The following HS6ST1 variants were observed in gnomAD, a reference collection of about 807,000 sequenced individuals.
The protein encoded by HS6ST1 is heparan sulfate 6-O-sulfotransferase 1, also known as heparan-sulfate 6-O-sulfotransferase 1.
In HS6ST1, 3 loss-of-function variants were observed where a neutral mutation model predicts 25.2. The observed-to-expected ratio is 0.12, with a 90% confidence interval of 0.05 to 0.31. The LOEUF (loss-of-function observed/expected upper bound fraction) is 0.31, where lower values mean the gene tolerates loss of function less well. Ranked by LOEUF, HS6ST1 falls within the 10% of genes least tolerant of loss-of-function variation. HS6ST1 has a pLI of 1.00. For synonymous variants in HS6ST1, 204 were observed against 275.1 expected (o/e 0.74, Z 2.56); for missense variants, 310 against 609.6 (o/e 0.51, Z 5.18).
rs1693522104 is a variant in HS6ST1, at chr2:128,266,767, T to C, written c.*1395A>G. ...CTCTGGGGGATCCAGGGTGCCTGTG[T>C]GGGCCCTCCTAGAGACACCAGCTTG... On this transcript the variant is annotated 3_prime_UTR_variant, in exon 2 of 2. Coordinates refer to ENST00000259241, the MANE Select transcript of HS6ST1 (RefSeq NM_004807.3). 3 of 152,464 alleles carry C rather than the reference T, an allele frequency of 2.0e-5. No homozygotes were observed. Among genetic ancestry groups the C allele is most frequent in the Admixed American group, 2.0e-4 (3 of 15,306 alleles). The allele number at this position is 152,464 out of a possible 1,614,324, so 9.4% of individuals were successfully genotyped here.
rs1693552745 is a variant in HS6ST1 at position 128,268,200 on chromosome 2, T to C, written c.1198A>G (p.Thr400Ala). ...EDADEPGRVP[T>A]EDYMSHIIEK... ...ATGATGTGGCTCATGTAGTCCTCGG[T>C]GGGCACGCGGCCCGGCTCGTCGGCA... is the stretch of plus-strand genomic sequence containing the variant. Residue 400 changes from threonine to alanine, a missense_variant, in exon 2 of 2, where the codon ACC (threonine) becomes GCC (alanine). Around this residue, in one of 5 missense-constraint regions of HS6ST1, gnomAD observed 140 missense variants for 176.5 expected, o/e 0.79. Coordinates refer to ENST00000259241, the MANE Select transcript of HS6ST1 (RefSeq NM_004807.3). 1 of 1,610,418 alleles carries C rather than the reference T, an allele frequency of 6.2e-7. No individual in the cohort carries two copies. The highest frequency in any genetic ancestry group is 2.2e-5 in the East Asian group (1 of 44,836).
At chr2:128,288,649 T>G (rs960008534) in intron 1 of HS6ST1, among the ~76,000 whole-genome samples, 4 of 152,168 alleles carry the variant, frequency 2.6e-5, no homozygotes, top group Admixed American at 1.3e-4. Flanking sequence ...TTCTGTATTT[T>G]TCCGATTTTA....
intron 1 of HS6ST1, among the ~76,000 whole-genome samples, chr2:128,302,331 G>C (rs749394785): frequency 6.6e-6 from 1 of 152,164 alleles, no homozygotes; most frequent in Non-Finnish European, 1.5e-5. Context: ...CAAGGCTGGC[G>C]TGCATGTGTG....
At chr2:128,273,799 T>A (rs540367790) in intron 1 of HS6ST1, among the ~76,000 whole-genome samples, 9 of 152,112 alleles carry the variant, frequency 5.9e-5, no homozygotes, top group Non-Finnish European at 1.2e-4. Flanking sequence ...GGGGTGGAGG[T>A]GTCAAACAGA....
intron 1 of HS6ST1, among the ~76,000 whole-genome samples, chr2:128,275,008 G>A (rs1031406944): frequency 6.6e-5 from 10 of 150,436 alleles, no homozygotes; most frequent in Admixed American, 6.6e-5. Context: ...GGTGGAGGGG[G>A]AATGGACAGA....
chr2:128,300,266 G>A (rs1230269402), intron 1 of HS6ST1, among the ~76,000 whole-genome samples: 2 of 152,158 alleles, frequency 1.3e-5, no homozygotes. Flanking sequence ...CCTGCCCTCC[G>A]GAGAGGGCCT....
At chr2:128,310,736 G>A (rs1225423417) in intron 1 of HS6ST1, among the ~76,000 whole-genome samples, 1 of 152,098 alleles carries the variant, frequency 6.6e-6, no homozygotes, top group East Asian at 1.9e-4. Context: ...CTCCTGTGTG[G>A]GCGTGTACCT....
chr2:128,280,696 T>A (rs80211377), intron 1 of HS6ST1, among the ~76,000 whole-genome samples: 9 of 144,006 alleles, frequency 6.2e-5, no homozygotes, highest in Non-Finnish European at 1.4e-4. Flanking sequence ...AGTAGTCAGA[T>A]TTTTTTTTTT....
intron 1 of HS6ST1, among the ~76,000 whole-genome samples, chr2:128,300,290 A>C (rs1694103698): frequency 6.6e-6 from 1 of 152,122 alleles, no homozygotes; most frequent in Non-Finnish European, 1.5e-5. Context: ...GCCCCAGGAC[A>C]CAGCTACCAT....
intron 1 of HS6ST1, among the ~76,000 whole-genome samples, chr2:128,280,455 C>G (rs1427107924): frequency 6.6e-6 from 1 of 152,232 alleles, no homozygotes; most frequent in African/African-American, 2.4e-5. Context: ...ATGTGAGCCA[C>G]TGCCTGAGAG....
intron 1 of HS6ST1, among the ~76,000 whole-genome samples, chr2:128,316,715 GT>G (rs1204303321): frequency 2.0e-5 from 3 of 152,022 alleles, no homozygotes; most frequent in Non-Finnish European, 4.4e-5. Context: ...GTGGGTGTGT[GT>G]GTGTACAGTT....
At chr2:128,301,148 C>G (rs1252018700) in intron 1 of HS6ST1, among the ~76,000 whole-genome samples, 1 of 152,118 alleles carries the variant, frequency 6.6e-6, no homozygotes, top group Admixed American at 6.5e-5. Flanking sequence ...TCTAGCCGCC[C>G]CTCTGTGTGG....
intron 1 of HS6ST1, among the ~76,000 whole-genome samples, chr2:128,287,959 C>A (rs1480600513): frequency 6.6e-6 from 1 of 152,236 alleles, no homozygotes; most frequent in South Asian, 2.1e-4. Context: ...CTTCTGACAC[C>A]GGCAGGCGAG....
chr2:128,291,343 CAT>C (rs1300194682), intron 1 of HS6ST1, among the ~76,000 whole-genome samples: 3 of 152,260 alleles, frequency 2.0e-5, no homozygotes, highest in African/African-American at 7.2e-5. Context: ...CAGAGCACCC[CAT>C]AGTTAAGGCT....
Position 128,268,657 on chromosome 2 carries a change from G to C in HS6ST1, c.741C>G (p.Asn247Lys). 6.2e-7 allele frequency: 1 copy of C among 1,610,552 alleles called. No homozygotes were observed. The highest frequency in any genetic ancestry group is 8.5e-7 in the Non-Finnish European group (1 of 1,179,024). The change falls in exon 2 of 2, where the codon AAC becomes AAG. Residue 247 changes from asparagine to lysine, a missense_variant. Around this residue, in one of 5 missense-constraint regions of HS6ST1, gnomAD observed 98 missense variants for 270.3 expected, o/e 0.36. Transcript: ENST00000259241. ...CGGCCAGCATGCGCACCTGGCGGTT[G>C]TTGGCCAGGTTGTACGGGCAGTCCA... ...EFMDCPYNLA[N>K]NRQVRMLADL... is the part of the protein sequence containing the mutation.
chr2:128,292,101 GA>G (rs1317255733), intron 1 of HS6ST1, among the ~76,000 whole-genome samples: 1 of 152,242 alleles, frequency 6.6e-6, no homozygotes, highest in Admixed American at 6.5e-5. Context: ...CAACAGTGAG[GA>G]GGGTGAACTG....
intron 1 of HS6ST1, among the ~76,000 whole-genome samples, chr2:128,279,310 T>C (rs1159929186): frequency 6.6e-6 from 1 of 150,906 alleles, no homozygotes; most frequent in Non-Finnish European, 1.5e-5. Flanking sequence ...CGCTGTCATT[T>C]AGAGTCAGAA....
Position 128,268,513 on chromosome 2 carries a change from C to T in HS6ST1, c.885G>A (p.Glu295=), listed in dbSNP as rs1160882717. 2.5e-6 allele frequency: 4 copies of T among 1,607,794 alleles called. No individual in the cohort carries two copies. Among genetic ancestry groups the T allele is most frequent in the South Asian group, 1.1e-5 (1 of 90,422 alleles). ...LRGMAFFGLT[E]FQRKTQYLFE... Reference sequence around the variant, plus strand: ...ACAGGTACTGCGTCTTGCGCTGGAACTCGGTCAGGCCGAAGAAGGCCATGC... The same window carrying T: ...ACAGGTACTGCGTCTTGCGCTGGAATTCGGTCAGGCCGAAGAAGGCCATGC... Residue 295 remains glutamate (E), a synonymous_variant, in exon 2 of 2, where the codon GAG becomes GAA. Coordinates refer to ENST00000259241, the MANE Select transcript of HS6ST1 (RefSeq NM_004807.3).
chr2:128,300,990 G>A (rs549058186), intron 1 of HS6ST1, among the ~76,000 whole-genome samples: 1 of 152,256 alleles, frequency 6.6e-6, no homozygotes, highest in Non-Finnish European at 1.5e-5. Flanking sequence ...GAGGGCAAAA[G>A]AAAGGAATGG....
Sources: gnomAD v4.1 joint callset for allele counts (sites outside exome capture counted in the v4.1 genomes callset) on GRCh38, gnomAD v4.1.1 for gene constraint, gnomAD v4.1.1 regional missense constraint, MANE v1.5 for transcripts, NCBI Gene and HGNC (gene_info 2026-07-23, HGNC 2026-07-21) for gene names.